VTI1A: variants seen among roughly 807,000 people sequenced by gnomAD.
The protein encoded by VTI1A is vesicle transport through interaction with t-SNAREs 1A.
A neutral mutation model predicts 34.9 loss-of-function variants in VTI1A; 22 were observed. That is an observed-to-expected ratio of 0.63 (90% CI 0.45 to 0.90). The LOEUF is 0.90. VTI1A is among the 40% of genes least tolerant of loss of function. The pLI, the probability that VTI1A is intolerant of heterozygous loss-of-function variation, is 0.00. For synonymous variants in VTI1A, 87 were observed against 97.3 expected, an observed-to-expected ratio of 0.89 and a Z score of 0.62; for missense variants, 268 against 275.6, an observed-to-expected ratio of 0.97 and a Z score of 0.20.
At chr10:112,600,511 A>G (rs1006056308) in intron 5 of VTI1A, among the ~76,000 whole-genome samples, 1 of 152,146 alleles carries the variant, frequency 6.6e-6, no homozygotes, top group African/African-American at 2.4e-5. Flanking sequence ...TTCTTCTCCC[A>G]GATACGCACA....
chr10:112,523,875 A>G (rs1484539814), intron 3 of VTI1A, among the ~76,000 whole-genome samples: 1 of 152,142 alleles, frequency 6.6e-6, no homozygotes. Context: ...TCAAATTCTC[A>G]TGTTTGCATT....
chr10:112,699,426 A>G (rs1327344145), intron 7 of VTI1A, among the ~76,000 whole-genome samples: 2 of 152,254 alleles, frequency 1.3e-5, no homozygotes, highest in Non-Finnish European at 2.9e-5. Context: ...AGAGCTGAGA[A>G]AAATAGTAGT....
chr10:112,559,817 G>A (rs750192049), intron 5 of VTI1A, among the ~76,000 whole-genome samples: 59 of 152,176 alleles, frequency 3.9e-4, no homozygotes, highest in Admixed American at 5.9e-4. Context: ...CCCAGACATG[G>A]AGAATACCTG....
At chr10:112,518,694 A>T (rs1297277290) in intron 3 of VTI1A, among the ~76,000 whole-genome samples, 2 of 149,416 alleles carry the variant, frequency 1.3e-5, no homozygotes, top group Non-Finnish European at 3.0e-5. Flanking sequence ...TAACTTTTTA[A>T]AATGTGTAAA....
rs76652472 is a variant in VTI1A at position 112,517,252 on chromosome 10, A to G, written c.265-9835A>G. ...AAAGTGGGCAACAGTGTCAGGTACT[A>G]TCAAGAGGTCAGACCTGAAAAAGGA... On this transcript the variant is annotated intron_variant, in intron 3 of 7. Coordinates refer to ENST00000393077, the MANE Select transcript of VTI1A (RefSeq NM_145206.4). Among the ~76,000 whole-genome samples, 345 of 152,172 alleles carry G rather than the reference A, an allele frequency of 2.3e-3. 1 individual carries two copies. Among genetic ancestry groups the G allele is most frequent in the African/African-American group, 7.8e-3 (325 of 41,534 alleles).
intron 5 of VTI1A, among the ~76,000 whole-genome samples, chr10:112,623,417 T>C (rs1171671484): frequency 1.4e-5 from 2 of 146,512 alleles, no homozygotes; most frequent in Non-Finnish European, 3.0e-5. Flanking sequence ...TTCTTTCTTC[T>C]AAACAGTATT....
chr10:112,780,273 AAAATAAATAAATAAAT>A (rs143844379), intron 7 of VTI1A, among the ~76,000 whole-genome samples: 75,093 of 138,042 alleles, frequency 0.54, 22,206 homozygotes, highest in Middle Eastern at 0.65. Context: ...CCTGTCTCTA[AAAATAAATAAATAAAT>A]AAATAAATAA....
At position 112,572,753 on chromosome 10, in the gene VTI1A, G is replaced by A. The variant is rs569880955; in HGVS notation, c.427+34423G>A. ...CTCGGGAGGCTGAAGGCAGGAGAACGGCGTGAACCCGGGAGGCGGAGCTTG... is the reference window on the plus strand; with the variant it reads ...CTCGGGAGGCTGAAGGCAGGAGAACAGCGTGAACCCGGGAGGCGGAGCTTG... On this transcript the variant is annotated intron_variant, in intron 5 of 7. Coordinates refer to ENST00000393077, the MANE Select transcript of VTI1A (RefSeq NM_145206.4). Among the ~76,000 whole-genome samples, 167 of 151,766 alleles carry A rather than the reference G, an allele frequency of 1.1e-3. 2 individuals are homozygous for A. Among genetic ancestry groups the A allele is most frequent in the Non-Finnish European group, 2.0e-3 (138 of 67,968 alleles).
intron 1 of VTI1A, chr10:112,450,039 T>G (rs1847175138): frequency 6.6e-6 from 1 of 151,352 alleles, no homozygotes. Context: ...CTGGGACTAC[T>G]CAAGCCACTG....
intron 7 of VTI1A, chr10:112,736,779 G>A (rs1402511591): frequency 3.3e-6 from 5 of 1,520,240 alleles, no homozygotes; most frequent in Middle Eastern, 3.4e-4. Context: ...GCTTGAACCA[G>A]AACCAGCCAG....
At chr10:112,668,162 T>G in intron 5 of VTI1A, 56 bp from the exon 6 acceptor site, 1 of 1,448,734 alleles carries the variant, frequency 6.9e-7, no homozygotes. Flanking sequence ...TTTCTGAGAT[T>G]TACTCTCATA....
chr10:112,531,114 T>C (rs551970184), intron 4 of VTI1A, among the ~76,000 whole-genome samples: 9,330 of 113,842 alleles, frequency 0.082, 532 homozygotes, highest in East Asian at 0.37. Flanking sequence ...CGTGCGCACG[T>C]GCGCGCGCGC....
chr10:112,832,008 G>C, the VTI1A span: 7 of 152,308 alleles, frequency 4.6e-5, no homozygotes, highest in Admixed American at 3.9e-4. Flanking sequence ...TGTGGGAATC[G>C]AGAATATCGG....
chr10:112,636,216 C>T (rs1425797814), intron 5 of VTI1A, among the ~76,000 whole-genome samples: 1 of 152,124 alleles, frequency 6.6e-6, no homozygotes, highest in African/African-American at 2.4e-5. Flanking sequence ...CTTTGCCATC[C>T]CATAAATCTT....
At chr10:112,792,434 A>C (rs1481228163) in intron 7 of VTI1A, among the ~76,000 whole-genome samples, 4 of 151,922 alleles carry the variant, frequency 2.6e-5, no homozygotes. Flanking sequence ...CCAGCAGCCC[A>C]CCTGGGACCC....
chr10:112,669,994 G>A (rs975927739), intron 7 of VTI1A, among the ~76,000 whole-genome samples: 1 of 152,148 alleles, frequency 6.6e-6, no homozygotes, highest in Non-Finnish European at 1.5e-5. Flanking sequence ...GCCAAGGCTA[G>A]TATAATGTGA....
intron 7 of VTI1A, among the ~76,000 whole-genome samples, chr10:112,736,427 A>G (rs1850474210): frequency 6.6e-6 from 1 of 152,118 alleles, no homozygotes; most frequent in Non-Finnish European, 1.5e-5. Flanking sequence ...CCCGGCACGT[A>G]GTAAGTTTTT....
chr10:112,776,564 G>A (rs1178278782), intron 7 of VTI1A, among the ~76,000 whole-genome samples: 1 of 152,024 alleles, frequency 6.6e-6, no homozygotes, highest in East Asian at 1.9e-4. Flanking sequence ...CCAGCCAGTG[G>A]CACCATCCCT....
At chr10:112,454,348 G>A (rs1374495317) in intron 1 of VTI1A, among the ~76,000 whole-genome samples, 2 of 152,138 alleles carry the variant, frequency 1.3e-5, no homozygotes, top group African/African-American at 4.8e-5. Context: ...TATTGAGTAG[G>A]AAATGAGAGG....
Sources: gnomAD v4.1 joint callset for allele counts (sites outside exome capture counted in the v4.1 genomes callset) on GRCh38, gnomAD v4.1.1 for gene constraint, MANE v1.5 for transcripts, NCBI Gene and HGNC (gene_info 2026-07-23, HGNC 2026-07-21) for gene names.